NDST4: variants seen among roughly 807,000 people sequenced by gnomAD.
NDST4 encodes N-heparan sulfate sulfotransferase 4.
In NDST4, 63 loss-of-function variants were observed where a neutral mutation model predicts 100.8. That is an observed-to-expected ratio of 0.62 (90% CI 0.51 to 0.77). NDST4 has a LOEUF of 0.77. Ranked by LOEUF, NDST4 falls within the 30% of genes least tolerant of loss-of-function variation. NDST4 has a pLI of 0.00. For missense variants in NDST4, 943 were observed against 1,018.4 expected (o/e 0.93, Z 1.01); for synonymous variants, 377 against 361.8 (o/e 1.04, Z -0.48).
chr4:114,996,694 T>A (rs923473936), intron 2 of NDST4, among the ~76,000 whole-genome samples: 1 of 152,026 alleles, frequency 6.6e-6, no homozygotes, highest in Non-Finnish European at 1.5e-5. Flanking sequence ...TTACAACAAA[T>A]TCCTTAGGTT....
intron 2 of NDST4, among the ~76,000 whole-genome samples, chr4:115,031,438 T>C (rs1728113940): frequency 6.6e-6 from 1 of 152,072 alleles, no homozygotes; most frequent in African/African-American, 2.4e-5. Flanking sequence ...GTGCAGACTC[T>C]TCCCAGTAAT....
chr4:114,991,872 C>T (rs1174697339), intron 2 of NDST4, among the ~76,000 whole-genome samples: 1 of 152,012 alleles, frequency 6.6e-6, no homozygotes, highest in East Asian at 1.9e-4. Flanking sequence ...AAAATTTAAC[C>T]TAATTCTAAT....
intron 2 of NDST4, among the ~76,000 whole-genome samples, chr4:115,055,646 C>CA (rs1375253852): frequency 6.6e-6 from 1 of 151,978 alleles, no homozygotes; most frequent in Non-Finnish European, 1.5e-5. Context: ...TACTGTGGCT[C>CA]AATGCTGGTG....
intron 2 of NDST4, among the ~76,000 whole-genome samples, chr4:115,075,646 G>A (rs1489898453): frequency 1.3e-5 from 2 of 151,916 alleles, no homozygotes; most frequent in Non-Finnish European, 1.5e-5. Context: ...TTAGCCAGAC[G>A]TGGTGGCAGG....
At chr4:115,087,772 A>T (rs1310667343) in intron 1 of NDST4, among the ~76,000 whole-genome samples, 1 of 151,946 alleles carries the variant, frequency 6.6e-6, no homozygotes, top group African/African-American at 2.4e-5. Context: ...ATTCAAAAGT[A>T]AACTTTTTTT....
chr4:114,990,607 C>A (rs763778095), intron 2 of NDST4, among the ~76,000 whole-genome samples: 1 of 152,018 alleles, frequency 6.6e-6, no homozygotes, highest in African/African-American at 2.4e-5. Flanking sequence ...ACTAGAATTA[C>A]GTTTAGAAAT....
chr4:115,106,535 C>G, intron 1 of NDST4, among the ~76,000 whole-genome samples: 1 of 151,940 alleles, frequency 6.6e-6, no homozygotes, highest in Non-Finnish European at 1.5e-5. Context: ...TACTCTAGCT[C>G]AATTCTAGAT....
At chr4:114,952,507 G>A (rs750750527) in intron 4 of NDST4, among the ~76,000 whole-genome samples, 14 of 152,082 alleles carry the variant, frequency 9.2e-5, no homozygotes, top group Non-Finnish European at 1.9e-4. Context: ...GCAAGTCAAG[G>A]ACTTACCATG....
chr4:114,966,074 G>T (rs1045766013), intron 4 of NDST4, among the ~76,000 whole-genome samples: 2 of 152,012 alleles, frequency 1.3e-5, no homozygotes, highest in African/African-American at 4.8e-5. Flanking sequence ...GCCATACTAA[G>T]AAGGGTATCT....
chr4:115,030,753 A>C (rs1578468503), intron 2 of NDST4, among the ~76,000 whole-genome samples: 1 of 152,054 alleles, frequency 6.6e-6, no homozygotes, highest in African/African-American at 2.4e-5. Flanking sequence ...AAGACCTTAA[A>C]ATTTTAAACA....
intron 4 of NDST4, among the ~76,000 whole-genome samples, chr4:114,964,100 C>A (rs1726327001): frequency 6.6e-6 from 1 of 152,190 alleles, no homozygotes; most frequent in African/African-American, 2.4e-5. Flanking sequence ...CTTCCTCTCT[C>A]AGAGCCTTAG....
intron 2 of NDST4, among the ~76,000 whole-genome samples, chr4:115,067,354 G>T (rs909055791): frequency 1.3e-5 from 2 of 151,990 alleles, no homozygotes; most frequent in Non-Finnish European, 2.9e-5. Context: ...TCTAAAAACA[G>T]ATTTTTCTAC....
intron 1 of NDST4, among the ~76,000 whole-genome samples, chr4:115,108,160 A>C (rs1729870889): frequency 6.6e-6 from 1 of 152,120 alleles, no homozygotes; most frequent in African/African-American, 2.4e-5. Flanking sequence ...AATGAATAGA[A>C]TTAGGACTGT....
intron 4 of NDST4, among the ~76,000 whole-genome samples, chr4:114,961,884 AG>A (rs1468028315): frequency 6.6e-6 from 1 of 152,074 alleles, no homozygotes; most frequent in African/African-American, 2.4e-5. Context: ...TGATGTCTAA[AG>A]AAAAAGAAAT....
At chr4:115,015,775 G>A (rs1436703978) in intron 2 of NDST4, among the ~76,000 whole-genome samples, 1 of 152,006 alleles carries the variant, frequency 6.6e-6, no homozygotes, top group Non-Finnish European at 1.5e-5. Context: ...AGGAATAAAT[G>A]TTATCCACGG....
At chr4:115,061,966 A>C (rs946306235) in intron 2 of NDST4, among the ~76,000 whole-genome samples, 6 of 152,102 alleles carry the variant, frequency 3.9e-5, no homozygotes, top group Non-Finnish European at 7.3e-5. Flanking sequence ...CATGGAAAGA[A>C]TACCAGAATA....
chr4:115,090,231 A>G (rs946888494), intron 1 of NDST4, among the ~76,000 whole-genome samples: 43 of 151,968 alleles, frequency 2.8e-4, no homozygotes, highest in African/African-American at 9.9e-4. Flanking sequence ...AAACACAGCT[A>G]TAAAGGACCT....
At chr4:115,012,025 T>C (rs1387206830) in intron 2 of NDST4, among the ~76,000 whole-genome samples, 2 of 151,710 alleles carry the variant, frequency 1.3e-5, no homozygotes, top group African/African-American at 4.8e-5. Context: ...AGGAGTAAAG[T>C]GAATAAAGTA....
chr4:114,932,242 A>G (rs1346064394), intron 6 of NDST4, among the ~76,000 whole-genome samples: 2 of 152,018 alleles, frequency 1.3e-5, no homozygotes, highest in Non-Finnish European at 2.9e-5. Context: ...AATAAATGAC[A>G]AAAATCATAT....
Sources: gnomAD v4.1 joint callset for allele counts (sites outside exome capture counted in the v4.1 genomes callset) on GRCh38, gnomAD v4.1.1 for gene constraint, MANE v1.5 for transcripts, NCBI Gene and HGNC (gene_info 2026-07-23, HGNC 2026-07-21) for gene names.